The following OPCML variants were observed in gnomAD, a reference collection of about 807,000 sequenced individuals.
The protein encoded by OPCML is opioid binding protein/cell adhesion molecule like.
A neutral mutation model predicts 37.8 loss-of-function variants in OPCML; 13 were observed. The observed-to-expected ratio is 0.34, with a 90% CI of 0.22 to 0.55. The LOEUF (loss-of-function observed/expected upper bound fraction) is 0.55, where lower values mean the gene tolerates loss of function less well. Among genes scored for constraint, OPCML ranks in the 20% least tolerant of loss-of-function variants. OPCML has a pLI of 0.91. For missense variants in OPCML, 341 were observed against 435.6 expected (o/e 0.78, Z 1.93); for synonymous variants, 176 against 168.8 (o/e 1.04, Z -0.33).
intron 1 of OPCML, among the ~76,000 whole-genome samples, chr11:133,264,970 G>A (rs1941612709): frequency 6.6e-6 from 1 of 152,162 alleles, no homozygotes; most frequent in Non-Finnish European, 1.5e-5. Flanking sequence ...ATAGGAGTGA[G>A]GTAAAGCTTG....
chr11:133,273,931 T>C (rs1261879808), intron 1 of OPCML, among the ~76,000 whole-genome samples: 3 of 152,254 alleles, frequency 2.0e-5, no homozygotes, highest in Non-Finnish European at 2.9e-5. Context: ...GAAATTCGTG[T>C]GTTAGACCTT....
intron 4 of OPCML, among the ~76,000 whole-genome samples, chr11:132,494,066 C>T (rs750796698): frequency 2.4e-4 from 37 of 152,346 alleles, no homozygotes; most frequent in Middle Eastern, 3.4e-3. Context: ...TACAGGCCTT[C>T]TGATTTGCCA....
At chr11:133,058,730 G>C (rs1222459319) in intron 1 of OPCML, among the ~76,000 whole-genome samples, 1 of 152,194 alleles carries the variant, frequency 6.6e-6, no homozygotes, top group African/African-American at 2.4e-5. Context: ...GTAGAGGCCA[G>C]TAGTCTCATT....
At position 132,472,789 on chromosome 11, in the gene OPCML, G is replaced by C. The variant is rs549382519; in HGVS notation, c.506-35430C>G. 2.0e-5 allele frequency among the ~76,000 whole-genome samples: 3 copies of C among 152,192 alleles called. No homozygotes were observed. In the South Asian group the frequency reaches 6.2e-4, roughly 31 times the overall value. Reference sequence around the variant, plus strand: ...GTGCTCTGTGCATCGTCACTGCAGGGGGCAGTGGAAGCATGGCCTGATGGC... The same window carrying C: ...GTGCTCTGTGCATCGTCACTGCAGGCGGCAGTGGAAGCATGGCCTGATGGC... On this transcript the variant is annotated intron_variant, in intron 4 of 7. Coordinates refer to ENST00000524381, the MANE Select transcript of OPCML (RefSeq NM_001012393.5).
chr11:132,806,062 A>C (rs968071601), intron 2 of OPCML, among the ~76,000 whole-genome samples: 1 of 152,154 alleles, frequency 6.6e-6, no homozygotes, highest in Admixed American at 6.5e-5. Flanking sequence ...AGAAGGTTAC[A>C]TATCATTAGC....
chr11:133,102,477 G>A (rs186466950), intron 1 of OPCML, among the ~76,000 whole-genome samples: 15 of 152,288 alleles, frequency 9.8e-5, no homozygotes, highest in East Asian at 7.7e-4. Flanking sequence ...GGCCAGGGGC[G>A]GTGGCTCATG....
At chr11:133,481,865 C>T (rs2120355655) in intron 1 of OPCML, among the ~76,000 whole-genome samples, 1 of 152,310 alleles carries the variant, frequency 6.6e-6, no homozygotes, top group African/African-American at 2.4e-5. Context: ...CACTGAGGCC[C>T]TTCTATTCCA....
At chr11:133,207,815 A>G (rs1417111296) in intron 1 of OPCML, among the ~76,000 whole-genome samples, 2 of 152,128 alleles carry the variant, frequency 1.3e-5, no homozygotes, top group Non-Finnish European at 2.9e-5. Context: ...ATCTTGCAAT[A>G]TGAGAGGACC....
chr11:133,387,869 G>A (rs1315158971), intron 1 of OPCML, among the ~76,000 whole-genome samples: 1 of 152,188 alleles, frequency 6.6e-6, no homozygotes. Flanking sequence ...GCCTCTCAAG[G>A]TTACTTCGGC....
At chr11:133,087,482 C>A (rs1591989789) in intron 1 of OPCML, among the ~76,000 whole-genome samples, 1 of 152,082 alleles carries the variant, frequency 6.6e-6, no homozygotes, top group African/African-American at 2.4e-5. Context: ...CTGTTCCCAT[C>A]TTTATGTCCA....
chr11:133,528,542 G>A (rs566788088), intron 1 of OPCML, among the ~76,000 whole-genome samples: 1 of 152,320 alleles, frequency 6.6e-6, no homozygotes, highest in Admixed American at 6.5e-5. Flanking sequence ...TGGCTGTAGA[G>A]CCTGCCCCCA....
intron 2 of OPCML, among the ~76,000 whole-genome samples, chr11:132,918,479 G>C (rs980376551): frequency 2.6e-5 from 4 of 152,088 alleles, no homozygotes; most frequent in African/African-American, 9.7e-5. Context: ...CCATAAAATT[G>C]GAATCATACA....
chr11:133,400,410 CT>C (rs1345776112), intron 1 of OPCML, among the ~76,000 whole-genome samples: 2 of 152,178 alleles, frequency 1.3e-5, no homozygotes, highest in African/African-American at 4.8e-5. Flanking sequence ...CTCTTTGCTC[CT>C]TCCGCTAAAT....
chr11:133,030,647 A>T (rs545897103), intron 1 of OPCML, among the ~76,000 whole-genome samples: 1 of 152,362 alleles, frequency 6.6e-6, no homozygotes, highest in African/African-American at 2.4e-5. Flanking sequence ...CCCCTGCTTC[A>T]TCAACTTTAC....
intron 1 of OPCML, among the ~76,000 whole-genome samples, chr11:133,128,706 C>T (rs559250939): frequency 1.2e-4 from 19 of 152,280 alleles, no homozygotes; most frequent in African/African-American, 4.6e-4. Context: ...GGAAAAGATA[C>T]AGATTCCCAG....
intron 1 of OPCML, among the ~76,000 whole-genome samples, chr11:133,529,509 G>C (rs1200132171): frequency 6.6e-6 from 1 of 152,212 alleles, no homozygotes; most frequent in Non-Finnish European, 1.5e-5. Context: ...TCTCCACGTG[G>C]TGACTGTCTT....
intron 4 of OPCML, among the ~76,000 whole-genome samples, chr11:132,493,695 G>T (rs1233888002): frequency 6.6e-6 from 1 of 152,194 alleles, no homozygotes. Context: ...TGAAGAAAAA[G>T]AATTGCCAAT....
chr11:132,821,599 A>T (rs140013990), intron 2 of OPCML, among the ~76,000 whole-genome samples: 244 of 152,320 alleles, frequency 1.6e-3, no homozygotes, highest in African/African-American at 5.3e-3. Flanking sequence ...CGAAGGAGAG[A>T]CCTGTAATAC....
intron 1 of OPCML, among the ~76,000 whole-genome samples, chr11:133,163,287 G>A (rs1016592387): frequency 1.3e-5 from 2 of 152,164 alleles, no homozygotes; most frequent in East Asian, 1.9e-4. Flanking sequence ...AAAACATTCC[G>A]AGACTCTGTG....
Sources: allele counts gnomAD v4.1 joint callset (sites outside exome capture counted in the v4.1 genomes callset), GRCh38; gene constraint gnomAD v4.1.1; transcripts MANE v1.5; gene names NCBI Gene and HGNC (gene_info 2026-07-23, HGNC 2026-07-21).